Variants in ONECUT2 observed in about 807,000 individuals in gnomAD.
ONECUT2 encodes one cut homeobox 2.
In ONECUT2, 10 loss-of-function variants were observed where a neutral mutation model predicts 27.9. The ratio of observed to expected loss-of-function variants is 0.36; its 90% CI spans 0.22 to 0.61. ONECUT2 has a LOEUF of 0.61. Among genes scored for constraint, ONECUT2 ranks in the 20% least tolerant of loss-of-function variants. The probability of loss-of-function intolerance (pLI) is 0.73; values close to 1 mark genes in which losing one functional copy is unlikely to be tolerated. For missense variants in ONECUT2, 686 were observed against 721.0 expected (o/e 0.95, Z 0.56); for synonymous variants, 334 against 315.1 (o/e 1.06, Z -0.64).
intron 1 of ONECUT2, among the ~76,000 whole-genome samples, chr18:57,439,658 GTATCGATCGGA>G (rs1488788905): frequency 3.9e-5 from 6 of 152,174 alleles, no homozygotes; most frequent in African/African-American, 7.2e-5. Context: ...TCCGCCCGGA[GTATCGATCGGA>G]ATCCCCGCCG....
At chr18:57,465,201 C>T (rs2050314255) in intron 1 of ONECUT2, among the ~76,000 whole-genome samples, 2 of 152,222 alleles carry the variant, frequency 1.3e-5, no homozygotes, top group South Asian at 2.1e-4. Context: ...TTCATTCTGT[C>T]ACCCAGGCTG....
rs1426484401 is a variant in ONECUT2, at chr18:57,486,057, C to G, written c.*9334C>G. 6.5e-6 allele frequency: 1 copy of G among 152,714 alleles called. No homozygotes were observed. Among genetic ancestry groups the G allele is most frequent in the African/African-American group, 2.4e-5 (1 of 41,456 alleles). 9.5% of individuals were successfully genotyped at this position (152,714 alleles called of 1,614,324 possible). On this transcript the variant is annotated 3_prime_UTR_variant, in exon 2 of 2. Coordinates refer to ENST00000491143, the MANE Select transcript of ONECUT2 (RefSeq NM_004852.3). The stretch of plus-strand genomic sequence containing the variant: ...AGTGAACATCACCTTCCCCATCTTT[C>G]CTACTGCCACACCCATACGAGAGAG...
Position 57,484,882 on chromosome 18 carries a change from C to A in ONECUT2, c.*8159C>A, listed in dbSNP as rs1239188966. The A allele has an allele frequency of 1.3e-5, 2 of 152,146 alleles. No homozygotes were observed. Among genetic ancestry groups the A allele is most frequent in the East Asian group, 3.8e-4 (2 of 5,196 alleles). 9.4% of individuals were successfully genotyped at this position (152,146 alleles called of 1,614,324 possible). A position where few individuals can be genotyped will look rare whatever the true frequency, so the allele number is the denominator to read the frequency against. ...CCCACATTGACAAATAGGATGGTGG[C>A]AATCCTTTAGCAATGAGCAGGGACT... On this transcript the variant is annotated 3_prime_UTR_variant, in exon 2 of 2. Transcript: ENST00000491143.
At chr18:57,449,633 T>G (rs1423853629) in intron 1 of ONECUT2, among the ~76,000 whole-genome samples, 3 of 152,218 alleles carry the variant, frequency 2.0e-5, no homozygotes, top group Non-Finnish European at 4.4e-5. Flanking sequence ...ATTTTGCCAA[T>G]TGGCTCTAGT....
chr18:57,484,877 G>A lies in ONECUT2; in HGVS notation c.*8154G>A, dbSNP rs1330428079. 6.6e-6 allele frequency: 1 copy of A among 152,170 alleles called. No homozygotes were observed. Among genetic ancestry groups the A allele is most frequent in the East Asian group, 1.9e-4 (1 of 5,194 alleles). 9.4% of individuals were successfully genotyped at this position (152,170 alleles called of 1,614,324 possible). On this transcript the variant is annotated 3_prime_UTR_variant, in exon 2 of 2. Coordinates refer to ENST00000491143, the MANE Select transcript of ONECUT2 (RefSeq NM_004852.3). ...GCGGTCCCACATTGACAAATAGGAT[G>A]GTGGCAATCCTTTAGCAATGAGCAG...
Position 57,480,953 on chromosome 18 carries a change from T to C in ONECUT2, c.*4230T>C, listed in dbSNP as rs948907679. The C allele has an allele frequency of 6.6e-6, 1 of 152,136 alleles. No individual in the cohort carries two copies. Among genetic ancestry groups the C allele is most frequent in the Non-Finnish European group, 1.5e-5 (1 of 68,016 alleles). 9.4% of individuals were successfully genotyped at this position (152,136 alleles called of 1,614,324 possible). On this transcript the variant is annotated 3_prime_UTR_variant, in exon 2 of 2. Coordinates refer to ENST00000491143, the MANE Select transcript of ONECUT2 (RefSeq NM_004852.3). ...CCTCAACCATCAGGAAAAGGTACAG[T>C]GTGAAGGAACAGTTCTCAGCCAAAT...
chr18:57,439,072 C>G (rs1205091971), intron 1 of ONECUT2, among the ~76,000 whole-genome samples: 1 of 152,196 alleles, frequency 6.6e-6, no homozygotes, highest in Non-Finnish European at 1.5e-5. Flanking sequence ...CCCCTCATGC[C>G]GGTCGCGCAA....
At chr18:57,447,301 T>C (rs986608700) in intron 1 of ONECUT2, among the ~76,000 whole-genome samples, 3 of 152,122 alleles carry the variant, frequency 2.0e-5, no homozygotes, top group Non-Finnish European at 4.4e-5. Flanking sequence ...AACAGCGCCA[T>C]GGAGGAACGC....
rs890964189 is a variant in ONECUT2 at position 57,480,829 on chromosome 18, A to T, written c.*4106A>T. Reference sequence around the variant, plus strand: ...TTTAACCCAGTGAGTTTACTCAAGGATTTTTAAATTTAAGTTAATAATTTC... The same window carrying T: ...TTTAACCCAGTGAGTTTACTCAAGGTTTTTTAAATTTAAGTTAATAATTTC... On this transcript the variant is annotated 3_prime_UTR_variant, in exon 2 of 2. Transcript: ENST00000491143. 2 of 152,220 alleles carry T rather than the reference A, an allele frequency of 1.3e-5. No homozygotes were observed. The highest frequency in any genetic ancestry group is 2.9e-5 in the Non-Finnish European group (2 of 68,052). The allele number at this position is 152,220 out of a possible 1,614,324, so 9.4% of individuals were successfully genotyped here. A position where few individuals can be genotyped will look rare whatever the true frequency, so the allele number is the denominator to read the frequency against.
chr18:57,464,085 C>G (rs1236028373), intron 1 of ONECUT2, among the ~76,000 whole-genome samples: 3 of 151,898 alleles, frequency 2.0e-5, no homozygotes, highest in Non-Finnish European at 4.4e-5. Flanking sequence ...TGGAGTCACA[C>G]TACCTGAATT....
chr18:57,455,550 C>G (rs1480424054), intron 1 of ONECUT2, among the ~76,000 whole-genome samples: 1 of 152,164 alleles, frequency 6.6e-6, no homozygotes, highest in East Asian at 1.9e-4. Context: ...TTACTCTCTC[C>G]TTCTTGGTGA....
At chr18:57,459,385 C>T (rs2122127152) in intron 1 of ONECUT2, among the ~76,000 whole-genome samples, 1 of 152,162 alleles carries the variant, frequency 6.6e-6, no homozygotes, top group South Asian at 2.1e-4. Context: ...GGGGATATAA[C>T]AATTATAAAT....
At position 57,478,009 on chromosome 18, in the gene ONECUT2, A is replaced by C. The variant is rs886113873; in HGVS notation, c.*1286A>C. 2 of 152,672 alleles carry C rather than the reference A, an allele frequency of 1.3e-5. No individual in the cohort carries two copies. Among genetic ancestry groups the C allele is most frequent in the Non-Finnish European group, 2.9e-5 (2 of 68,042 alleles). 9.5% of individuals were successfully genotyped at this position (152,672 alleles called of 1,614,324 possible). On this transcript the variant is annotated 3_prime_UTR_variant, in exon 2 of 2. Coordinates refer to ENST00000491143, the MANE Select transcript of ONECUT2 (RefSeq NM_004852.3). ...AAAACACAGCACACCAAAGAAGCAGAATACTGCAAACCAAAGACATTTATG... is the reference window on the plus strand; with the variant it reads ...AAAACACAGCACACCAAAGAAGCAGCATACTGCAAACCAAAGACATTTATG...
chr18:57,436,881 C>G lies in ONECUT2; in HGVS notation c.1165C>G (p.Arg389Gly), dbSNP rs2050145827. ...ACTCAAATCTGGCAGGGAGACCTTC[C>G]GCAGGATGTGGAAGTGGCTTCAGGA... is the stretch of plus-strand genomic sequence containing the variant. ...SKLKSGRETFRRMWKWLQEPE... is the reference protein window; with the variant it reads ...SKLKSGRETFGRMWKWLQEPE... Residue 389 changes from arginine (R) to glycine (G), a missense_variant, in exon 1 of 2, where the codon CGC (arginine) becomes GGC (glycine). This residue lies in a region of ONECUT2 where 47 missense variants were observed against 86.0 expected (regional missense o/e 0.55). Coordinates refer to ENST00000491143, the MANE Select transcript of ONECUT2 (RefSeq NM_004852.3). This position sits in a 1 kb window ranked among gnomAD's most constrained non-coding sequence, Gnocchi z 5.9. 6.2e-7 allele frequency: 1 copy of G among 1,613,434 alleles called. No individual in the cohort carries two copies. The highest frequency in any genetic ancestry group is 1.3e-5 in the African/African-American group (1 of 74,934).
intron 1 of ONECUT2, among the ~76,000 whole-genome samples, chr18:57,445,902 T>C (rs1003265856): frequency 5.3e-5 from 8 of 152,252 alleles, no homozygotes; most frequent in Admixed American, 2.0e-4. Context: ...ATTGCTTTAT[T>C]GGTAGCACTG....
Position 57,435,887 on chromosome 18 carries a change from T to G in ONECUT2, c.171T>G (p.His57Gln). Residue 57 changes from histidine to glutamine, a missense_variant, in exon 1 of 2, where the codon CAT becomes CAG. His to Gln is a conservative substitution (Grantham distance 24). Around this residue, in one of 4 missense-constraint regions of ONECUT2, gnomAD observed 511 missense variants for 488.1 expected, o/e 1.05. Transcript: ENST00000491143. Reference sequence around the variant, plus strand: ...GGGGCGGCGGCGGGGGCCCGGGCCATGAGCAGGAGCTGCTGGCCAGCCCCA... The same window carrying G: ...GGGGCGGCGGCGGGGGCCCGGGCCAGGAGCAGGAGCTGCTGGCCAGCCCCA... ...GGGGGGGGPGHEQELLASPSP... is the reference protein window; with the variant it reads ...GGGGGGGGPGQEQELLASPSP... 3.7e-6 allele frequency: 4 copies of G among 1,092,078 alleles called. No individual in the cohort carries two copies. The highest frequency in any genetic ancestry group is 4.4e-6 in the Non-Finnish European group (4 of 901,514). 67.6% of individuals were successfully genotyped at this position (1,092,078 alleles called of 1,614,324 possible). A position where few individuals can be genotyped will look rare whatever the true frequency, so the allele number is the denominator to read the frequency against.
At chr18:57,447,209 A>AC (rs2050204629) in intron 1 of ONECUT2, among the ~76,000 whole-genome samples, 1 of 152,136 alleles carries the variant, frequency 6.6e-6, no homozygotes, top group Non-Finnish European at 1.5e-5. Context: ...CTTCACATGG[A>AC]CCCCTGCCTG....
rs2144282189 is a variant in ONECUT2, at chr18:57,436,531, G to A, written c.815G>A (p.Arg272His). Residue 272 changes from arginine to histidine, a missense_variant, in exon 1 of 2, where the codon CGC becomes CAC. Coordinates refer to ENST00000491143, the MANE Select transcript of ONECUT2 (RefSeq NM_004852.3). The surrounding 1 kb of genome is among the most constrained non-coding windows in gnomAD (Gnocchi z 5.9). Reference protein sequence around the residue: ...FDAHHTAMLTRGEQHLSRGLG... With the variant: ...FDAHHTAMLTHGEQHLSRGLG... The stretch of plus-strand genomic sequence containing the variant: ...GCGCACCACACTGCCATGCTGACCC[G>A]CGGTGAGCAACACCTGTCCCGCGGC... The A allele has an allele frequency of 6.2e-7, 1 of 1,612,668 alleles. No individual in the cohort carries two copies.
At chr18:57,463,113 G>C (rs2050302238) in intron 1 of ONECUT2, among the ~76,000 whole-genome samples, 1 of 152,138 alleles carries the variant, frequency 6.6e-6, no homozygotes, top group Non-Finnish European at 1.5e-5. Flanking sequence ...TATTTTTTGT[G>C]TATGACATGA....
Sources: gnomAD v4.1 joint callset for allele counts (sites outside exome capture counted in the v4.1 genomes callset) on GRCh38, gnomAD v4.1.1 for gene constraint, gnomAD v4.1.1 regional missense constraint, Gnocchi (gnomAD v3.1) non-coding constraint, MANE v1.5 for transcripts, NCBI Gene and HGNC (gene_info 2026-07-23, HGNC 2026-07-21) for gene names.